The following PPARGC1B variants were observed in gnomAD, a reference collection of about 807,000 sequenced individuals.
The protein encoded by PPARGC1B is peroxisome proliferator-activated receptor gamma coactivator 1-beta.
Under a neutral mutation model 101.6 loss-of-function variants are expected in PPARGC1B, and 34 were observed. The observed-to-expected ratio is 0.33, with a 90% confidence interval of 0.25 to 0.45. PPARGC1B has a LOEUF of 0.45. Ranked by LOEUF, PPARGC1B falls within the 20% of genes least tolerant of loss-of-function variation. The probability of loss-of-function intolerance (pLI) is 1.00; values close to 1 mark genes in which losing one functional copy is unlikely to be tolerated. For missense variants in PPARGC1B, 1,234 were observed against 1,317.6 expected, an observed-to-expected ratio of 0.94 and a Z score of 0.98; for synonymous variants, 548 against 539.3, an observed-to-expected ratio of 1.02 and a Z score of -0.22.
rs1333650714 is a variant in PPARGC1B, at chr5:149,849,185, G to T, written c.*1627G>T. On this transcript the variant is annotated 3_prime_UTR_variant, in exon 12 of 12. Transcript: ENST00000309241. ...TAATGTAATTTGTTGCTTATGCCAAGCCTAGACTGTTGAGAATTGACGTTT... is the reference window on the plus strand; with the variant it reads ...TAATGTAATTTGTTGCTTATGCCAATCCTAGACTGTTGAGAATTGACGTTT... 6.6e-6 allele frequency: 1 copy of T among 152,118 alleles called. No homozygotes were observed. Among genetic ancestry groups the T allele is most frequent in the Non-Finnish European group, 1.5e-5 (1 of 68,028 alleles). The allele number at this position is 152,118 out of a possible 1,614,324, so 9.4% of individuals were successfully genotyped here. A position where few individuals can be genotyped will look rare whatever the true frequency, so the allele number is the denominator to read the frequency against.
At chr5:149,752,440 A>G (rs1755347026) in intron 1 of PPARGC1B, among the ~76,000 whole-genome samples, 1 of 152,246 alleles carries the variant, frequency 6.6e-6, no homozygotes, top group South Asian at 2.1e-4. Flanking sequence ...TCATTTTCCT[A>G]CTAGTTTCAG....
chr5:149,836,172 A>T, intron 7 of PPARGC1B, 91 bp from the exon 8 acceptor site: 1 of 1,113,138 alleles, frequency 9.0e-7, no homozygotes, highest in Non-Finnish European at 1.3e-6. Flanking sequence ...TATAGGTGTG[A>T]GCTACCAGGC....
In PPARGC1B at chr5:149,835,304, C is replaced by A. The variant is rs753565332; in HGVS notation, c.1746C>A (p.Asp582Glu). Reference sequence around the variant, plus strand: ...CTGTCCTCCCTGCCTCCACCAGCGACCCAACTTTTGGCAAGAAGAGCTTTG... The same window carrying A: ...CTGTCCTCCCTGCCTCCACCAGCGAACCAACTTTTGGCAAGAAGAGCTTTG... Reference protein sequence around the residue: ...RCLMLALSQSDPTFGKKSFEQ... With the variant: ...RCLMLALSQSEPTFGKKSFEQ... The change falls in exon 7 of 12, where the codon GAC becomes GAA. Residue 582 changes from aspartate to glutamate, a missense_variant. Physicochemically the swap from Asp to Glu is conservative, Grantham distance 45 (BLOSUM62 2). Around this residue, in one of 3 missense-constraint regions of PPARGC1B, gnomAD observed 734 missense variants for 768.4 expected, o/e 0.96. Coordinates refer to ENST00000309241, the MANE Select transcript of PPARGC1B (RefSeq NM_133263.4). 6.2e-7 allele frequency: 1 copy of A among 1,614,192 alleles called. No individual in the cohort carries two copies. Among genetic ancestry groups the A allele is most frequent in the Non-Finnish European group, 8.5e-7 (1 of 1,180,028 alleles).
At chr5:149,800,242 G>A (rs547914224) in intron 1 of PPARGC1B, among the ~76,000 whole-genome samples, 4 of 152,236 alleles carry the variant, frequency 2.6e-5, no homozygotes, top group Admixed American at 6.5e-5. Context: ...ATCATGTAAC[G>A]TTAACATCCC....
At chr5:149,819,470 GTGTTTGTT>G (rs72216498) in intron 1 of PPARGC1B, among the ~76,000 whole-genome samples, 21 of 151,362 alleles carry the variant, frequency 1.4e-4, no homozygotes, top group East Asian at 1.2e-3. Flanking sequence ...CATGATATGG[GTGTTTGTT>G]TGTTTGTTTG....
chr5:149,763,088 C>A (rs531753335), intron 1 of PPARGC1B, among the ~76,000 whole-genome samples: 8 of 152,292 alleles, frequency 5.3e-5, no homozygotes, highest in African/African-American at 1.7e-4. Flanking sequence ...CCTGGCTCAC[C>A]AAGGCCCTTG....
intron 10 of PPARGC1B, among the ~76,000 whole-genome samples, chr5:149,844,803 T>A (rs1008437826): frequency 2.6e-5 from 4 of 152,238 alleles, no homozygotes; most frequent in Non-Finnish European, 4.4e-5. Context: ...TTGAGGAGTT[T>A]ACATAGCAGA....
chr5:149,821,730 A>C (rs1348243417), intron 2 of PPARGC1B, among the ~76,000 whole-genome samples: 1 of 152,192 alleles, frequency 6.6e-6, no homozygotes, highest in Non-Finnish European at 1.5e-5. Flanking sequence ...TGTGTCAGGC[A>C]CTGTGTTCAT....
chr5:149,857,096 G>A (rs755805592), downstream of PPARGC1B, among the ~76,000 whole-genome samples: 2 of 152,004 alleles, frequency 1.3e-5, no homozygotes, highest in Non-Finnish European at 2.9e-5. Context: ...TTTGAAACTT[G>A]GCTCTACCGC....
intron 3 of PPARGC1B, among the ~76,000 whole-genome samples, chr5:149,829,908 G>A (rs184862547): frequency 3.3e-5 from 5 of 151,726 alleles, no homozygotes; most frequent in East Asian, 3.9e-4. Context: ...GGTGGCAGAC[G>A]CCTGTAATCC....
chr5:149,756,624 C>T (rs1755530067), intron 1 of PPARGC1B, among the ~76,000 whole-genome samples: 1 of 152,138 alleles, frequency 6.6e-6, no homozygotes. Context: ...TCTGTTGTCC[C>T]CTCCTAGAAG....
At chr5:149,761,843 A>C (rs1755727332) in intron 1 of PPARGC1B, among the ~76,000 whole-genome samples, 1 of 152,184 alleles carries the variant, frequency 6.6e-6, no homozygotes, top group Admixed American at 6.5e-5. Flanking sequence ...GCAGGGGAGC[A>C]CTGTGTTATC....
At chr5:149,784,333 G>T (rs1756706896) in intron 1 of PPARGC1B, among the ~76,000 whole-genome samples, 1 of 151,916 alleles carries the variant, frequency 6.6e-6, no homozygotes. Flanking sequence ...CTGTGAAGCA[G>T]CCACCTCATG....
At chr5:149,771,720 T>C (rs1437873932) in intron 1 of PPARGC1B, among the ~76,000 whole-genome samples, 4 of 152,346 alleles carry the variant, frequency 2.6e-5, no homozygotes, top group African/African-American at 7.2e-5. Flanking sequence ...TTCCTTGTTC[T>C]TTCTGTTTGC....
At chr5:149,768,373 C>G (rs1755995048) in intron 1 of PPARGC1B, among the ~76,000 whole-genome samples, 3 of 151,870 alleles carry the variant, frequency 2.0e-5, no homozygotes. Context: ...CTCCCAGGCT[C>G]AAGCAATCAT....
intron 1 of PPARGC1B, among the ~76,000 whole-genome samples, chr5:149,788,949 A>G (rs1756907079): frequency 6.6e-6 from 1 of 152,220 alleles, no homozygotes; most frequent in South Asian, 2.1e-4. Flanking sequence ...GTGGGGAGGG[A>G]TAACATTAGG....
At chr5:149,836,156 TG>T in intron 7 of PPARGC1B, 106 bp from the exon 8 acceptor site, 1 of 944,300 alleles carries the variant, frequency 1.1e-6, no homozygotes, top group Non-Finnish European at 1.6e-6. Flanking sequence ...CCCAAAATGT[TG>T]GGATTATAGG....
At chr5:149,772,206 G>A in intron 1 of PPARGC1B, 1 of 1,598,000 alleles carries the variant, frequency 6.3e-7, no homozygotes, top group Admixed American at 1.7e-5. Context: ...GAGCTTGTTG[G>A]GTTGACGATT....
chr5:149,834,193 A>G (rs1373001900), intron 5 of PPARGC1B, among the ~76,000 whole-genome samples: 2 of 152,266 alleles, frequency 1.3e-5, no homozygotes, highest in Non-Finnish European at 2.9e-5. Context: ...AATGATAACA[A>G]CAGTTAGCCA....
Sources: gnomAD v4.1 joint callset for allele counts (sites outside exome capture counted in the v4.1 genomes callset) on GRCh38, gnomAD v4.1.1 for gene constraint, gnomAD v4.1.1 regional missense constraint, MANE v1.5 for transcripts, NCBI Gene and HGNC (gene_info 2026-07-23, HGNC 2026-07-21) for gene names.